The following PHKB variants were observed in gnomAD, a reference collection of about 807,000 sequenced individuals.
PHKB encodes phosphorylase b kinase regulatory subunit beta.
In PHKB, 122 loss-of-function variants were observed where a neutral mutation model predicts 152.1. The observed-to-expected ratio is 0.80, with a 90% CI of 0.69 to 0.93. PHKB has a LOEUF of 0.93. PHKB is among the 40% of genes least tolerant of loss of function. The pLI, the probability that PHKB is intolerant of heterozygous loss-of-function variation, is 0.00. For synonymous variants in PHKB, 436 were observed against 464.9 expected, an observed-to-expected ratio of 0.94 and a Z score of 0.80; for missense variants, 1,304 against 1,328.4, an observed-to-expected ratio of 0.98 and a Z score of 0.29.
At chr16:47,685,357 G>A (rs540696090) in intron 26 of PHKB, among the ~76,000 whole-genome samples, 257 of 152,254 alleles carry the variant, frequency 1.7e-3, no homozygotes, top group Non-Finnish European at 2.9e-3. Context: ...CCTGGGAGCC[G>A]GAGGTTGCGG....
rs1199122341 is a variant in PHKB, at chr16:47,553,111, A to G, written c.710+5563A>G. On this transcript the variant is annotated intron_variant, in intron 7 of 30. Coordinates refer to ENST00000323584, the MANE Select transcript of PHKB (RefSeq NM_000293.3). ...CTAGGTTGGGGAAGTTCTCCTGGAT[A>G]ATATCTCGAAGAGTGTTTTCCAGCC... Among the ~76,000 whole-genome samples, 5 of 152,212 alleles carry G rather than the reference A, an allele frequency of 3.3e-5. No homozygotes were observed. The South Asian group carries it at 6.2e-4, about 19-fold the overall frequency.
intron 14 of PHKB, among the ~76,000 whole-genome samples, chr16:47,634,619 A>C (rs1247199586): frequency 6.6e-6 from 1 of 152,204 alleles, no homozygotes; most frequent in Non-Finnish European, 1.5e-5. Flanking sequence ...CCTATGTGGC[A>C]GGGATGATGG....
rs9936755 is a variant in PHKB, at chr16:47,617,344, A to G, written c.1458+6424A>G. On this transcript the variant is annotated intron_variant, in intron 14 of 30. Coordinates refer to ENST00000323584, the MANE Select transcript of PHKB (RefSeq NM_000293.3). ...AGTGTACAAGTCAGTGGCAATAAGT[A>G]CATTTACAATGTATCATTGTAGCTA... Among the ~76,000 whole-genome samples, 633 of 151,492 alleles carry G rather than the reference A, an allele frequency of 4.2e-3. 6 individuals are homozygous for G. Among genetic ancestry groups the G allele is most frequent in the African/African-American group, 0.015 (604 of 41,402 alleles).
At chr16:47,660,340 A>G (rs530822267) in intron 20 of PHKB, among the ~76,000 whole-genome samples, 166 bp from the exon 21 acceptor site, 32 of 152,280 alleles carry the variant, frequency 2.1e-4, no homozygotes, top group African/African-American at 7.2e-4. Context: ...TGTGTGTAGA[A>G]ACCTGTGTGA....
intron 6 of PHKB, among the ~76,000 whole-genome samples, chr16:47,534,754 C>T (rs1970922156): frequency 6.6e-6 from 1 of 152,204 alleles, no homozygotes; most frequent in Non-Finnish European, 1.5e-5. Flanking sequence ...CAAGAAGATA[C>T]ATTGACATCA....
At chr16:47,471,546 G>A (rs1969768064) in intron 1 of PHKB, among the ~76,000 whole-genome samples, 1 of 152,154 alleles carries the variant, frequency 6.6e-6, no homozygotes, top group Non-Finnish European at 1.5e-5. Context: ...GGTGCATAGG[G>A]CCACTCAATC....
intron 29 of PHKB, among the ~76,000 whole-genome samples, chr16:47,697,115 A>C (rs768300188): frequency 3.9e-5 from 6 of 152,190 alleles, no homozygotes; most frequent in Non-Finnish European, 7.3e-5. Context: ...GAAGCCACCA[A>C]TTGATGAGTT....
At chr16:47,584,483 C>T (rs1971902842) in intron 8 of PHKB, among the ~76,000 whole-genome samples, 1 of 152,134 alleles carries the variant, frequency 6.6e-6, no homozygotes, top group South Asian at 2.1e-4. Context: ...TTTGAGAATT[C>T]CTTTCACAGT....
chr16:47,664,857 T>G, intron 24 of PHKB, 28 bp from the exon 25 acceptor site: 1 of 1,509,038 alleles, frequency 6.6e-7, no homozygotes. Context: ...CTATTTTCCC[T>G]TTTATGGCTT....
intron 14 of PHKB, among the ~76,000 whole-genome samples, chr16:47,633,689 G>A (rs1338430980): frequency 2.6e-5 from 4 of 152,192 alleles, no homozygotes. Context: ...ACATAAGATG[G>A]ACATGAGTGA....
chr16:47,516,129 T>G (rs973555546), intron 6 of PHKB, among the ~76,000 whole-genome samples: 7 of 152,138 alleles, frequency 4.6e-5, no homozygotes, highest in Admixed American at 1.3e-4. Flanking sequence ...GGTTTCACCA[T>G]GTTGGCCAAG....
chr16:47,529,158 T>G (rs1209395844), intron 6 of PHKB: 1 of 152,114 alleles, frequency 6.6e-6, no homozygotes, highest in Non-Finnish European at 1.5e-5. Flanking sequence ...GTATCATGTC[T>G]ACACTTGTAT....
At chr16:47,542,818 T>A (rs1325001085) in intron 6 of PHKB, among the ~76,000 whole-genome samples, 1 of 152,182 alleles carries the variant, frequency 6.6e-6, no homozygotes, top group Non-Finnish European at 1.5e-5. Context: ...TATTGGTGTA[T>A]AAGAATGCTT....
At chr16:47,663,328 T>C (rs1973476080) in intron 23 of PHKB, among the ~76,000 whole-genome samples, 2 of 152,214 alleles carry the variant, frequency 1.3e-5, no homozygotes, top group Non-Finnish European at 2.9e-5. Context: ...ACAGTATTTG[T>C]TCAATTGCTA....
chr16:47,633,773 A>C (rs1254505751), intron 14 of PHKB, among the ~76,000 whole-genome samples: 1 of 152,204 alleles, frequency 6.6e-6, no homozygotes, highest in Non-Finnish European at 1.5e-5. Context: ...TGAGCTGTAA[A>C]AGTCCTCGAG....
chr16:47,516,797 G>T (rs1010977394), intron 6 of PHKB, among the ~76,000 whole-genome samples: 1 of 152,112 alleles, frequency 6.6e-6, no homozygotes, highest in African/African-American at 2.4e-5. Flanking sequence ...AATTATGGTC[G>T]TAAGAAATTA....
intron 13 of PHKB, chr16:47,598,508 A>G (rs1972163423): frequency 3.4e-6 from 2 of 588,578 alleles, no homozygotes; most frequent in South Asian, 4.2e-5. Flanking sequence ...CCATATTACC[A>G]TAATCACCAA....
chr16:47,571,577 T>G (rs1488944940), intron 7 of PHKB, among the ~76,000 whole-genome samples: 1 of 152,064 alleles, frequency 6.6e-6, no homozygotes, highest in African/African-American at 2.4e-5. Flanking sequence ...GGACTCTATC[T>G]CTCATGAAAG....
At position 47,608,070 on chromosome 16, in the gene PHKB, A is replaced by G. The variant is rs141624166; in HGVS notation, c.1364-2756A>G. On this transcript the variant is annotated intron_variant, in intron 13 of 30. Transcript: ENST00000323584. ...TATTATGTTGTTATGAATTCTTTAT[A>G]TCTTCTAGGTGTAAATCCCTTACAA... 3.4e-3 allele frequency among the ~76,000 whole-genome samples: 507 copies of G among 151,062 alleles called. 1 individual carries two copies. The highest frequency in any genetic ancestry group is 4.6e-3 in the Non-Finnish European group (310 of 67,718).
Sources: allele counts gnomAD v4.1 joint callset (sites outside exome capture counted in the v4.1 genomes callset), GRCh38; gene constraint gnomAD v4.1.1; transcripts MANE v1.5; gene names NCBI Gene and HGNC (gene_info 2026-07-23, HGNC 2026-07-21).